The following VWC2 variants were observed in gnomAD, a reference collection of about 807,000 sequenced individuals.
VWC2 encodes von Willebrand factor C domain containing 2.
In VWC2, 14 loss-of-function variants were observed where a neutral mutation model predicts 29.8. The ratio of observed to expected loss-of-function variants is 0.47; its 90% confidence interval spans 0.31 to 0.74. The LOEUF is 0.74. Ranked by LOEUF, VWC2 falls within the 30% of genes least tolerant of loss-of-function variation. The pLI is 0.05. For missense variants in VWC2, 457 were observed against 459.8 expected, an observed-to-expected ratio of 0.99 and a Z score of 0.05; for synonymous variants, 213 against 199.0, an observed-to-expected ratio of 1.07 and a Z score of -0.59.
At chr7:49,871,190 A>AT (rs1294775346) in intron 3 of VWC2, among the ~76,000 whole-genome samples, 1 of 152,190 alleles carries the variant, frequency 6.6e-6, no homozygotes, top group Non-Finnish European at 1.5e-5. Flanking sequence ...ATAAAAACGA[A>AT]TAATAATATC....
intron 2 of VWC2, among the ~76,000 whole-genome samples, chr7:49,785,461 T>A (rs1380597237): frequency 6.6e-6 from 1 of 152,102 alleles, no homozygotes; most frequent in Non-Finnish European, 1.5e-5. Context: ...ATGGGAGAAA[T>A]TAAGATAGTT....
At chr7:49,911,422 C>A in intron 3 of VWC2, among the ~76,000 whole-genome samples, 1 of 130,794 alleles carries the variant, frequency 7.6e-6, no homozygotes. Context: ...GCAGAGGTTG[C>A]AGTGAGCCGA....
intron 3 of VWC2, among the ~76,000 whole-genome samples, chr7:49,829,970 C>A (rs189018998): frequency 7.2e-5 from 11 of 152,156 alleles, no homozygotes; most frequent in Non-Finnish European, 1.5e-4. Context: ...TTTTTTCAGT[C>A]GTACTCAGAT....
chr7:49,819,001 C>T (rs1274892880), intron 3 of VWC2, among the ~76,000 whole-genome samples: 1 of 151,976 alleles, frequency 6.6e-6, no homozygotes, highest in African/African-American at 2.4e-5. Flanking sequence ...CACACATGTC[C>T]CAAAACCCAA....
chr7:49,900,183 C>T (rs529593308), intron 3 of VWC2, among the ~76,000 whole-genome samples: 9 of 151,298 alleles, frequency 5.9e-5, no homozygotes, highest in Non-Finnish European at 8.9e-5. Flanking sequence ...GAAAGCAGGA[C>T]TTTAGGGACA....
At chr7:49,855,819 C>G (rs142769906) in intron 3 of VWC2, among the ~76,000 whole-genome samples, 3 of 152,130 alleles carry the variant, frequency 2.0e-5, no homozygotes, top group South Asian at 2.1e-4. Flanking sequence ...CGGTGGCTGA[C>G]GGTGCACGTT....
intron 3 of VWC2, among the ~76,000 whole-genome samples, chr7:49,872,523 G>T (rs987291050): frequency 2.0e-5 from 3 of 151,032 alleles, no homozygotes; most frequent in African/African-American, 7.3e-5. Context: ...GGCTTACGGG[G>T]AATGAAAATT....
At chr7:49,846,424 G>T (rs1789947832) in intron 3 of VWC2, among the ~76,000 whole-genome samples, 2 of 152,154 alleles carry the variant, frequency 1.3e-5, no homozygotes, top group South Asian at 2.1e-4. Context: ...GGACATTTTT[G>T]ACATCTGCAG....
intron 3 of VWC2, among the ~76,000 whole-genome samples, chr7:49,878,730 A>G (rs1027097525): frequency 1.3e-5 from 2 of 152,130 alleles, no homozygotes; most frequent in African/African-American, 4.8e-5. Context: ...TTGCTCATGC[A>G]CGATTTTCTC....
intron 3 of VWC2, among the ~76,000 whole-genome samples, chr7:49,851,887 A>AGGGT (rs992349100): frequency 6.6e-6 from 1 of 151,348 alleles, no homozygotes; most frequent in Non-Finnish European, 1.5e-5. Flanking sequence ...CAAAATGGCC[A>AGGGT]GACCCCACAG....
At chr7:49,909,861 T>G (rs1793310477) in intron 3 of VWC2, among the ~76,000 whole-genome samples, 1 of 152,110 alleles carries the variant, frequency 6.6e-6, no homozygotes, top group South Asian at 2.1e-4. Flanking sequence ...CCCAGCACTT[T>G]GGGAGGTCAA....
At chr7:49,814,957 T>A (rs1262066065) in intron 3 of VWC2, among the ~76,000 whole-genome samples, 2 of 152,266 alleles carry the variant, frequency 1.3e-5, no homozygotes, top group African/African-American at 4.8e-5. Flanking sequence ...GCCACAGTCC[T>A]AATCCCATTG....
intron 3 of VWC2, among the ~76,000 whole-genome samples, chr7:49,904,268 C>A (rs1400306068): frequency 3.9e-5 from 6 of 152,140 alleles, no homozygotes; most frequent in African/African-American, 7.2e-5. Flanking sequence ...ACTCCCATAC[C>A]CTCACTATCT....
chr7:49,775,714 G>T lies in VWC2; in HGVS notation c.279G>T (p.Leu93=). The change falls in exon 2 of 4, where the codon CTG becomes CTT. Residue 93 remains leucine (L), a synonymous_variant. Transcript: ENST00000340652. ...CCGGCCGTGAGCCGTGGAGCAAGCT[G>T]AAGCAGGCCTGGGTCTCCCAGGGCG... ...GLAGREPWSK[L]KQAWVSQGGG... The T allele has an allele frequency of 6.6e-7, 1 of 1,522,796 alleles. No homozygotes were observed. The highest frequency in any genetic ancestry group is 8.8e-7 in the Non-Finnish European group (1 of 1,137,796). 94.3% of individuals were successfully genotyped at this position (1,522,796 alleles called of 1,614,324 possible).
chr7:49,783,800 G>A (rs548197560), intron 2 of VWC2, among the ~76,000 whole-genome samples: 36 of 152,100 alleles, frequency 2.4e-4, no homozygotes, highest in Admixed American at 5.9e-4. Context: ...CTATAATCCC[G>A]GCAGTTCGGG....
At chr7:49,797,804 A>G (rs1178040421) in intron 2 of VWC2, among the ~76,000 whole-genome samples, 1 of 152,168 alleles carries the variant, frequency 6.6e-6, no homozygotes, top group African/African-American at 2.4e-5. Flanking sequence ...CTGGCACACA[A>G]TAGGGGCCTT....
Position 49,919,403 on chromosome 7 carries a change from C to T in VWC2, c.*7218C>T, listed in dbSNP as rs558533216. 1.3e-5 allele frequency: 2 copies of T among 152,254 alleles called. No homozygotes were observed. Among genetic ancestry groups the T allele is most frequent in the African/African-American group, 4.8e-5 (2 of 41,536 alleles). 9.4% of individuals were successfully genotyped at this position (152,254 alleles called of 1,614,324 possible). A position where few individuals can be genotyped will look rare whatever the true frequency, so the allele number is the denominator to read the frequency against. On this transcript the variant is annotated 3_prime_UTR_variant, in exon 4 of 4. Transcript: ENST00000340652. ...ACTTACATCAGTATTATGATTTATA[C>T]TTTTAAGCAAAATTTTGCCATTTTC... is the stretch of plus-strand genomic sequence containing the variant.
chr7:49,855,200 C>T (rs902202256), intron 3 of VWC2, among the ~76,000 whole-genome samples: 5 of 152,208 alleles, frequency 3.3e-5, no homozygotes, highest in African/African-American at 9.6e-5. Flanking sequence ...AAAGGCAAAT[C>T]TTTCTTTTTC....
chr7:49,872,751 C>CAAA (rs34987652), intron 3 of VWC2, among the ~76,000 whole-genome samples: 5 of 122,062 alleles, frequency 4.1e-5, no homozygotes, highest in African/African-American at 1.6e-4. Flanking sequence ...ACAAAAAATA[C>CAAA]AAAAAAAAAA....
Sources: gnomAD v4.1 joint callset for allele counts (sites outside exome capture counted in the v4.1 genomes callset) on GRCh38, gnomAD v4.1.1 for gene constraint, MANE v1.5 for transcripts, NCBI Gene and HGNC (gene_info 2026-07-23, HGNC 2026-07-21) for gene names.